EXT2: variants seen among roughly 807,000 people sequenced by gnomAD.
EXT2 encodes exostosin glycosyltransferase 2.
Under a neutral mutation model 81.6 loss-of-function variants are expected in EXT2, and 53 were observed. The ratio of observed to expected loss-of-function variants is 0.65; its 90% confidence interval spans 0.52 to 0.82. EXT2 has a LOEUF of 0.82. Ranked by LOEUF, EXT2 falls within the 40% of genes least tolerant of loss-of-function variation. EXT2 has a pLI of 0.00. For missense variants in EXT2, 774 were observed against 910.2 expected, an observed-to-expected ratio of 0.85 and a Z score of 1.93; for synonymous variants, 320 against 340.0, an observed-to-expected ratio of 0.94 and a Z score of 0.65.
intron 4 of EXT2, among the ~76,000 whole-genome samples, chr11:44,119,169 T>C (rs7484246): frequency 0.067 from 4,122 of 61,838 alleles, 318 homozygotes; most frequent in South Asian, 0.11. Context: ...TATATATATA[T>C]ACACATACAC....
At chr11:44,235,408 A>AT (rs1202562390) in intron 12 of EXT2, among the ~76,000 whole-genome samples, 60 of 148,046 alleles carry the variant, frequency 4.1e-4, no homozygotes, top group Middle Eastern at 7.1e-3. Context: ...TGTCCGGCTA[A>AT]TTTTTTTTTT....
intron 8 of EXT2, among the ~76,000 whole-genome samples, chr11:44,180,260 C>T (rs1955216940): frequency 6.6e-6 from 1 of 152,180 alleles, no homozygotes; most frequent in African/African-American, 2.4e-5. Flanking sequence ...GTTGTTTCTA[C>T]TTCCCCTATA....
At chr11:44,225,160 T>A (rs147770752) in intron 10 of EXT2, among the ~76,000 whole-genome samples, 3 of 152,138 alleles carry the variant, frequency 2.0e-5, no homozygotes, top group African/African-American at 7.2e-5. Flanking sequence ...TCCCATCCCC[T>A]CAAACTCTCA....
chr11:44,168,787 A>T (rs1159383296), intron 7 of EXT2, among the ~76,000 whole-genome samples: 1 of 152,260 alleles, frequency 6.6e-6, no homozygotes, highest in Non-Finnish European at 1.5e-5. Flanking sequence ...TTTCAAACAA[A>T]TAAAAGAGTC....
At chr11:44,146,342 A>G (rs186053411) in intron 7 of EXT2, among the ~76,000 whole-genome samples, 6 of 152,322 alleles carry the variant, frequency 3.9e-5, no homozygotes, top group Non-Finnish European at 8.8e-5. Context: ...GCTCAGCCCC[A>G]GGTCTGTATA....
intron 7 of EXT2, among the ~76,000 whole-genome samples, chr11:44,163,698 T>C (rs1021027703): frequency 6.6e-6 from 1 of 152,244 alleles, no homozygotes; most frequent in East Asian, 1.9e-4. Context: ...TCAATGTTAG[T>C]GTGTTAAGAG....
At chr11:44,099,387 G>A (rs1385783814) in intron 1 of EXT2, among the ~76,000 whole-genome samples, 4 of 152,114 alleles carry the variant, frequency 2.6e-5, no homozygotes, top group African/African-American at 9.7e-5. Flanking sequence ...GGGTTTCACT[G>A]TGTTAGCCAG....
intron 8 of EXT2, 109 bp from the exon 9 acceptor site, chr11:44,197,720 G>C (rs1955472134): frequency 9.0e-7 from 1 of 1,112,690 alleles, no homozygotes; most frequent in African/African-American, 1.5e-5. Context: ...TCTGGGATCT[G>C]TCCTGGTAAA....
chr11:44,166,152 T>C (rs1447411070), intron 7 of EXT2, among the ~76,000 whole-genome samples: 1 of 152,138 alleles, frequency 6.6e-6, no homozygotes. Flanking sequence ...AGTAATCCTC[T>C]GAAACAACAG....
intron 7 of EXT2, among the ~76,000 whole-genome samples, chr11:44,143,509 A>T (rs554326395): frequency 6.6e-6 from 1 of 152,190 alleles, no homozygotes; most frequent in Non-Finnish European, 1.5e-5. Context: ...CGTCCTTCAG[A>T]TGAGAAGGGG....
chr11:44,162,966 G>T (rs1954946700), intron 7 of EXT2, among the ~76,000 whole-genome samples: 1 of 152,100 alleles, frequency 6.6e-6, no homozygotes, highest in African/African-American at 2.4e-5. Context: ...ATTAGTATGT[G>T]GATAAATCCC....
chr11:44,096,594 G>T (rs1953901852), intron 1 of EXT2, among the ~76,000 whole-genome samples: 2 of 150,222 alleles, frequency 1.3e-5, no homozygotes, highest in Non-Finnish European at 3.0e-5. Context: ...TGGCCCGGGG[G>T]TGTGTCGGGC....
rs1416127566 is a variant in EXT2 at position 44,203,240 on chromosome 11, G to A, written c.1496-3553G>A. On this transcript the variant is annotated intron_variant, in intron 9 of 13. Transcript: ENST00000533608. ...AGAAACCACATGATAATTTGAACAG[G>A]AAAAATTTAATCTAAAGAATTATTA... is the stretch of plus-strand genomic sequence containing the variant. Among the ~76,000 whole-genome samples the A allele has an allele frequency of 3.9e-5, 6 of 152,220 alleles. 1 individual carries two copies. In the Middle Eastern group the frequency reaches 0.01, roughly 259 times the overall value.
At chr11:44,208,942 C>A (rs1381979462) in intron 10 of EXT2, among the ~76,000 whole-genome samples, 1 of 152,202 alleles carries the variant, frequency 6.6e-6, no homozygotes, top group East Asian at 1.9e-4. Context: ...TTGCCTGTCA[C>A]AAAATTATTT....
At chr11:44,135,167 A>G (rs1029291517) in intron 7 of EXT2, among the ~76,000 whole-genome samples, 2 of 152,206 alleles carry the variant, frequency 1.3e-5, no homozygotes, top group African/African-American at 4.8e-5. Flanking sequence ...AGAACAGTAA[A>G]TGTGTGCATA....
chr11:44,121,891 C>T (rs1212482218), intron 4 of EXT2, among the ~76,000 whole-genome samples: 6 of 152,066 alleles, frequency 3.9e-5, no homozygotes, highest in Admixed American at 6.5e-5. Flanking sequence ...TGATACCCTG[C>T]GCCAGGCTAC....
At chr11:44,157,343 A>G (rs1954868645) in intron 7 of EXT2, among the ~76,000 whole-genome samples, 1 of 152,210 alleles carries the variant, frequency 6.6e-6, no homozygotes, top group African/African-American at 2.4e-5. Context: ...GGCCCAAGTC[A>G]TGACCAGAAA....
At chr11:44,230,054 G>T (rs568896234) in intron 10 of EXT2, among the ~76,000 whole-genome samples, 2 of 152,322 alleles carry the variant, frequency 1.3e-5, no homozygotes, top group African/African-American at 4.8e-5. Context: ...AGGTTGGAGG[G>T]GTGTAGCGAG....
chr11:44,128,803 T>A (rs964931681), intron 6 of EXT2, among the ~76,000 whole-genome samples: 5 of 152,230 alleles, frequency 3.3e-5, no homozygotes, highest in African/African-American at 1.2e-4. Context: ...TTAATCTTTT[T>A]TGAGTCTCAG....
Sources: gnomAD v4.1 joint callset for allele counts (sites outside exome capture counted in the v4.1 genomes callset) on GRCh38, gnomAD v4.1.1 for gene constraint, MANE v1.5 for transcripts, NCBI Gene and HGNC (gene_info 2026-07-23, HGNC 2026-07-21) for gene names.